SYNPR: variants seen among roughly 807,000 people sequenced by gnomAD.
The protein encoded by SYNPR is synaptoporin.
SYNPR carries 23 observed loss-of-function variants against 32.9 expected under a neutral mutation model. The observed-to-expected ratio is 0.70, with a 90% CI of 0.50 to 0.99. The LOEUF (loss-of-function observed/expected upper bound fraction) is 0.99. Among genes scored for constraint, SYNPR ranks in the 50% least tolerant of loss-of-function variants. SYNPR has a pLI of 0.00. For missense variants in SYNPR, 318 were observed against 349.3 expected, an observed-to-expected ratio of 0.91 and a Z score of 0.71; for synonymous variants, 146 against 135.9, an observed-to-expected ratio of 1.07 and a Z score of -0.52.
intron 1 of SYNPR, 29 bp downstream of exon 1, chr3:63,278,580 C>T: frequency 1.3e-6 from 2 of 1,550,946 alleles, no homozygotes; most frequent in Non-Finnish European, 1.7e-6. Context: ...GGGCGGCTGG[C>T]TGGGAGCAGG....
chr3:63,262,529 T>C (rs1251189642), intron 2 of SYNPR, among the ~76,000 whole-genome samples: 1 of 152,172 alleles, frequency 6.6e-6, no homozygotes, highest in Non-Finnish European at 1.5e-5. Flanking sequence ...AGGACACTGA[T>C]GGTGAGAATA....
chr3:63,401,980 A>G (rs1397305227), intron 2 of SYNPR, among the ~76,000 whole-genome samples: 1 of 152,184 alleles, frequency 6.6e-6, no homozygotes, highest in Non-Finnish European at 1.5e-5. Flanking sequence ...AGTCTTCTCC[A>G]GTTTGCTGAT....
At chr3:63,569,517 G>A (rs1454840253) in intron 4 of SYNPR, among the ~76,000 whole-genome samples, 8 of 152,182 alleles carry the variant, frequency 5.3e-5, no homozygotes, top group Admixed American at 3.9e-4. Flanking sequence ...TTGTTCTAAG[G>A]AGCCTGACAT....
chr3:63,509,557 A>G (rs967817471), intron 3 of SYNPR, among the ~76,000 whole-genome samples: 3 of 151,888 alleles, frequency 2.0e-5, no homozygotes, highest in Non-Finnish European at 2.9e-5. Flanking sequence ...TGGAGTTGCT[A>G]ACTAAGGCTA....
intron 2 of SYNPR, among the ~76,000 whole-genome samples, chr3:63,410,207 G>T (rs1238042997): frequency 6.6e-6 from 1 of 152,102 alleles, no homozygotes; most frequent in Non-Finnish European, 1.5e-5. Context: ...ATGTGGACTA[G>T]GTACTGCAAA....
At chr3:63,491,225 T>C (rs1033247747) in intron 3 of SYNPR, among the ~76,000 whole-genome samples, 2 of 152,164 alleles carry the variant, frequency 1.3e-5, no homozygotes, top group African/African-American at 4.8e-5. Flanking sequence ...TGGAATATGA[T>C]TTTAAACAAG....
intron 2 of SYNPR, among the ~76,000 whole-genome samples, chr3:63,405,100 T>C (rs2088341667): frequency 1.3e-5 from 2 of 152,150 alleles, no homozygotes; most frequent in African/African-American, 4.8e-5. Flanking sequence ...GAACAGGACA[T>C]CAGTTTTACT....
chr3:63,501,524 AAG>A (rs1374243443), intron 3 of SYNPR, among the ~76,000 whole-genome samples: 2 of 151,310 alleles, frequency 1.3e-5, no homozygotes, highest in African/African-American at 4.9e-5. Context: ...AGAAAAGAAA[AAG>A]AAAAAATAAT....
intron 1 of SYNPR, among the ~76,000 whole-genome samples, chr3:63,236,080 T>C (rs574849637): frequency 3.6e-4 from 54 of 151,944 alleles, no homozygotes; most frequent in Admixed American, 3.1e-3. Context: ...TTTTTTTTTC[T>C]TTATGGATGC....
intron 4 of SYNPR, among the ~76,000 whole-genome samples, chr3:63,593,849 A>G (rs564656922): frequency 6.6e-6 from 1 of 152,260 alleles, no homozygotes; most frequent in Admixed American, 6.5e-5. Flanking sequence ...GGCAGAGTAT[A>G]GGCCACTGGA....
intron 2 of SYNPR, among the ~76,000 whole-genome samples, chr3:63,262,655 T>C (rs2086448638): frequency 6.6e-6 from 1 of 152,106 alleles, no homozygotes; most frequent in African/African-American, 2.4e-5. Context: ...ATGGGGACCG[T>C]GCCAAAGCCC....
intron 3 of SYNPR, among the ~76,000 whole-genome samples, chr3:63,548,549 A>G (rs1702451129): frequency 6.6e-6 from 1 of 152,216 alleles, no homozygotes; most frequent in African/African-American, 2.4e-5. Flanking sequence ...ACATATGGCT[A>G]GCTAAAGACA....
At chr3:63,367,707 CT>C (rs1424252440) in intron 2 of SYNPR, among the ~76,000 whole-genome samples, 1 of 152,084 alleles carries the variant, frequency 6.6e-6, no homozygotes, top group African/African-American at 2.4e-5. Flanking sequence ...AATTTTAATA[CT>C]AATATTTCAA....
intron 4 of SYNPR, among the ~76,000 whole-genome samples, chr3:63,562,185 G>C (rs1702702730): frequency 6.6e-6 from 1 of 152,126 alleles, no homozygotes; most frequent in African/African-American, 2.4e-5. Context: ...CTCCTGCCTA[G>C]GTTACTGTGA....
At chr3:63,361,135 T>G (rs903872044) in intron 2 of SYNPR, among the ~76,000 whole-genome samples, 1 of 152,180 alleles carries the variant, frequency 6.6e-6, no homozygotes, top group Non-Finnish European at 1.5e-5. Context: ...TTCAGAATCT[T>G]GAAAATCTCC....
chr3:63,279,245 G>A (rs2086606080), intron 2 of SYNPR, among the ~76,000 whole-genome samples: 1 of 152,278 alleles, frequency 6.6e-6, no homozygotes, highest in South Asian at 2.1e-4. Flanking sequence ...CTGCTCCGCG[G>A]GAGCTTCAGG....
chr3:63,558,205 G>C (rs956763630), intron 4 of SYNPR, among the ~76,000 whole-genome samples: 5 of 152,080 alleles, frequency 3.3e-5, no homozygotes, highest in Admixed American at 3.3e-4. Context: ...AAACTTCCCA[G>C]CCTGTAGACT....
intron 2 of SYNPR, among the ~76,000 whole-genome samples, chr3:63,283,878 C>G (rs1040815068): frequency 7.3e-6 from 1 of 136,202 alleles, no homozygotes; most frequent in African/African-American, 2.9e-5. Flanking sequence ...AGCGCAATGG[C>G]GCCAACTCAG....
intron 3 of SYNPR, among the ~76,000 whole-genome samples, chr3:63,268,097 G>T (rs2086505774): frequency 6.6e-6 from 1 of 152,190 alleles, no homozygotes; most frequent in South Asian, 2.1e-4. Flanking sequence ...AATGAGCACA[G>T]AATTTAACTT....
Sources: allele counts gnomAD v4.1 joint callset (sites outside exome capture counted in the v4.1 genomes callset), GRCh38; gene constraint gnomAD v4.1.1; transcripts MANE v1.5; gene names NCBI Gene and HGNC (gene_info 2026-07-23, HGNC 2026-07-21).